Variants in TK2 observed in about 807,000 individuals in gnomAD.
TK2 encodes the protein thymidine kinase 2.
Under a neutral mutation model 41.9 loss-of-function variants are expected in TK2, and 35 were observed. The observed-to-expected ratio is 0.84, with a 90% CI of 0.64 to 1.11. The LOEUF (loss-of-function observed/expected upper bound fraction) is 1.11, where lower values mean the gene tolerates loss of function less well. Ranked by LOEUF, TK2 falls within the 50% of genes least tolerant of loss-of-function variation. The probability of loss-of-function intolerance (pLI) is 0.00; values close to 1 mark genes in which losing one functional copy is unlikely to be tolerated. For missense variants in TK2, 320 were observed against 351.1 expected (o/e 0.91, Z 0.71); for synonymous variants, 128 against 129.1 (o/e 0.99, Z 0.06).
In TK2 at chr16:66,511,845, T is replaced by TCG. The variant is rs1964458713; in HGVS notation, c.*122_*123insCG. The TCG allele has an allele frequency of 3.7e-6, 3 of 803,120 alleles. No individual in the cohort carries two copies. Among genetic ancestry groups the TCG allele is most frequent in the Non-Finnish European group, 6.4e-6 (3 of 465,616 alleles). 49.7% of individuals were successfully genotyped at this position (803,120 alleles called of 1,614,324 possible). A position where few individuals can be genotyped will look rare whatever the true frequency, so the allele number is the denominator to read the frequency against. On this transcript the variant is annotated 3_prime_UTR_variant, in exon 10 of 10. Transcript: ENST00000544898. ...GACACTAGCAAAGGAGATGAGACCA[T>TCG]TAGGAAAATCAAGCTGGCCAGACAC...
chr16:66,511,459 A>G lies in TK2; in HGVS notation c.*509T>C. On this transcript the variant is annotated 3_prime_UTR_variant, in exon 10 of 10. Coordinates refer to ENST00000544898, the MANE Select transcript of TK2 (RefSeq NM_004614.5). ...TGGGGAACAGCTCTCAGGAGGAGGC[A>G]GCCCAGGGCAAGGGAAAGTTGCTGA... 4.3e-6 allele frequency: 1 copy of G among 234,984 alleles called. No individual in the cohort carries two copies. Among genetic ancestry groups the G allele is most frequent in the Non-Finnish European group, 8.5e-6 (1 of 117,422 alleles). 14.6% of individuals were successfully genotyped at this position (234,984 alleles called of 1,614,324 possible). A position where few individuals can be genotyped will look rare whatever the true frequency, so the allele number is the denominator to read the frequency against.
intron 4 of TK2, 50 bp from the exon 5 acceptor site, chr16:66,531,519 G>A (rs781496571): frequency 3.8e-6 from 6 of 1,577,522 alleles, no homozygotes; most frequent in African/African-American, 2.7e-5. Flanking sequence ...ATCTGCAGGA[G>A]GACCCTGGTC....
intron 6 of TK2, among the ~76,000 whole-genome samples, chr16:66,519,849 G>A (rs778824429): frequency 1.3e-5 from 2 of 152,200 alleles, no homozygotes; most frequent in Non-Finnish European, 2.9e-5. Flanking sequence ...GGCAGGGAGG[G>A]GCTGACTCCA....
In TK2 at chr16:66,517,399, T is replaced by TGG; in HGVS notation, c.539-186_539-185dup. ...TTCTCTTTCAGTGTCAGCGGCCCCG[T>TGG]GGGGTCGTTTTGAGGCTGAATGGGA... On this transcript the variant is annotated intron_variant, in intron 7 of 9. Transcript: ENST00000544898. The surrounding 1 kb of genome is among the most constrained non-coding windows in gnomAD (Gnocchi z 4.3). The TGG allele has an allele frequency of 1.5e-6, 1 of 683,342 alleles. No homozygotes were observed. The allele number at this position is 683,342 out of a possible 1,614,324, so 42.3% of individuals were successfully genotyped here.
chr16:66,543,535 C>G (rs1318948635), intron 2 of TK2, among the ~76,000 whole-genome samples: 1 of 152,196 alleles, frequency 6.6e-6, no homozygotes, highest in Non-Finnish European at 1.5e-5. Flanking sequence ...GGGGCACACA[C>G]AGAGAGGGGC....
rs867375073 is a variant in TK2, at chr16:66,549,938, C to T, written c.124G>A (p.Asp42Asn). The part of the protein sequence containing the change: ...RRVQRRAWPP[D>N]KEQEKEKKSV... ...GAGGCGGGACCAAGACGCGCGTTACCGGGAGGCCAGGCCCGGCGCTGCACC... is the reference window on the plus strand; with the variant it reads ...GAGGCGGGACCAAGACGCGCGTTACTGGGAGGCCAGGCCCGGCGCTGCACC... Residue 42 changes from aspartate (D) to asparagine (N), a missense_variant and splice_region_variant, in exon 1 of 10, where the codon GAT becomes AAT. Physicochemically the swap from Asp to Asn is conservative, Grantham distance 23. Transcript: ENST00000544898. The T allele has an allele frequency of 7.4e-7, 1 of 1,354,376 alleles. No homozygotes were observed. Among genetic ancestry groups the T allele is most frequent in the Non-Finnish European group, 9.4e-7 (1 of 1,062,052 alleles). 83.9% of individuals were successfully genotyped at this position (1,354,376 alleles called of 1,614,324 possible). A position where few individuals can be genotyped will look rare whatever the true frequency, so the allele number is the denominator to read the frequency against.
chr16:66,537,987 A>AC (rs1180934981), intron 3 of TK2, among the ~76,000 whole-genome samples: 1 of 152,102 alleles, frequency 6.6e-6, no homozygotes, highest in African/African-American at 2.4e-5. Context: ...ACATGGTGAA[A>AC]CCCCATCTCT....
chr16:66,522,514 C>G (rs1328050567), intron 6 of TK2, among the ~76,000 whole-genome samples: 1 of 152,244 alleles, frequency 6.6e-6, no homozygotes, highest in African/African-American at 2.4e-5. Flanking sequence ...TCTTTAGCTA[C>G]ATGAATCTTG....
intron 3 of TK2, among the ~76,000 whole-genome samples, chr16:66,537,615 GAC>G (rs1248282586): frequency 6.6e-6 from 1 of 152,222 alleles, no homozygotes; most frequent in Non-Finnish European, 1.5e-5. Context: ...TGTGTTTTCA[GAC>G]ACATATCAGG....
chr16:66,529,186 G>A (rs117991260), intron 5 of TK2, 119 bp from the exon 6 acceptor site: 75 of 946,850 alleles, frequency 7.9e-5, no homozygotes, highest in African/African-American at 4.8e-4. Context: ...GAATCAAGGC[G>A]GCAGAGAGAG....
chr16:66,545,676 T>C (rs139451520), intron 2 of TK2, among the ~76,000 whole-genome samples: 5 of 152,060 alleles, frequency 3.3e-5, no homozygotes, highest in African/African-American at 1.2e-4. Flanking sequence ...ATACAAAAAT[T>C]AGCTGCACGT....
intron 8 of TK2, among the ~76,000 whole-genome samples, chr16:66,515,259 G>A (rs1173689811): frequency 6.6e-6 from 1 of 151,692 alleles, no homozygotes; most frequent in African/African-American, 2.4e-5. Flanking sequence ...TTCAGGCAGG[G>A]GCCCAGCCCT....
chr16:66,513,850 G>A (rs753551720), intron 8 of TK2, 39 bp from the exon 9 acceptor site: 2 of 1,582,590 alleles, frequency 1.3e-6, no homozygotes, highest in South Asian at 1.1e-5. Context: ...GGAGTGGACA[G>A]AGCAGACCCC....
Position 66,532,756 on chromosome 16 carries a change from A to G in TK2, c.286-1287T>C, listed in dbSNP as rs192307542. ...ACACACAAAAAAAGAGATATTCAAC[A>G]CTCATGGATCAGAAGAACTAATACT... On this transcript the variant is annotated intron_variant, in intron 4 of 9. Transcript: ENST00000544898. 1.6e-3 allele frequency among the ~76,000 whole-genome samples: 239 copies of G among 152,256 alleles called. 1 individual carries two copies. The highest frequency in any genetic ancestry group is 2.3e-3 in the Non-Finnish European group (159 of 68,022).
At chr16:66,536,795 A>T (rs775753963) in intron 4 of TK2, among the ~76,000 whole-genome samples, 169 bp downstream of exon 4, 1 of 151,838 alleles carries the variant, frequency 6.6e-6, no homozygotes, top group African/African-American at 2.4e-5. Context: ...GAGATCCTTG[A>T]CCTCAGAACA....
At chr16:66,516,872 T>G (rs1597077825) in intron 8 of TK2, among the ~76,000 whole-genome samples, 2 of 142,606 alleles carry the variant, frequency 1.4e-5, no homozygotes, top group South Asian at 5.2e-4. Context: ...GAGGGGCAGG[T>G]GGGGAGGGGA....
chr16:66,537,961 A>G (rs1207750308), intron 3 of TK2, among the ~76,000 whole-genome samples: 16 of 152,130 alleles, frequency 1.1e-4, no homozygotes, highest in Non-Finnish European at 4.4e-5. Flanking sequence ...TCAGGAGTTC[A>G]AGTCCAGCCT....
At chr16:66,512,102 G>T in intron 9 of TK2, 36 bp from the exon 10 acceptor site, 1 of 1,563,400 alleles carries the variant, frequency 6.4e-7, no homozygotes, top group South Asian at 1.1e-5. Flanking sequence ...AGGCTGCACT[G>T]ACCTCAGCAG....
rs143378852 is a variant in TK2 at position 66,517,808 on chromosome 16, G to A, written c.519C>T (p.Asp173=). 59 of 1,613,916 alleles carry A rather than the reference G, an allele frequency of 3.7e-5. No individual in the cohort carries two copies. The East Asian group carries it at 4.9e-4, about 13-fold the overall frequency. ...EWFDWILRNM[D]VSVDLIVYLR... ...TCTCACCTATCAAATCAACAGACAC[G>A]TCCATGTTCCTCAAGATCCAGTCAA... The change falls in exon 7 of 10, where the codon GAC becomes GAT. Residue 173 remains aspartate, a synonymous_variant. Transcript: ENST00000544898. This position sits in a 1 kb window ranked among gnomAD's most constrained non-coding sequence, Gnocchi z 4.3.
Sources: allele counts gnomAD v4.1 joint callset (sites outside exome capture counted in the v4.1 genomes callset), GRCh38; gene constraint gnomAD v4.1.1; non-coding constraint Gnocchi (gnomAD v3.1); transcripts MANE v1.5; gene names NCBI Gene and HGNC (gene_info 2026-07-23, HGNC 2026-07-21).